Variants in A1CF observed in about 807,000 individuals in gnomAD.
The protein encoded by A1CF is APOBEC1 complementation factor, also known as APOBEC-1 stimulating protein.
A neutral mutation model predicts 68.9 loss-of-function variants in A1CF; 48 were observed. The ratio of observed to expected loss-of-function variants is 0.70; its 90% confidence interval spans 0.55 to 0.89. A1CF has a LOEUF of 0.89. A1CF is among the 40% of genes least tolerant of loss of function. The pLI, the probability that A1CF is intolerant of heterozygous loss-of-function variation, is 0.00. For missense variants in A1CF, 653 were observed against 718.9 expected, an observed-to-expected ratio of 0.91 and a Z score of 1.05; for synonymous variants, 272 against 260.4, an observed-to-expected ratio of 1.04 and a Z score of -0.43.
chr10:50,874,412 A>G (rs917497506), intron 1 of A1CF, among the ~76,000 whole-genome samples: 2 of 152,188 alleles, frequency 1.3e-5, no homozygotes, highest in Non-Finnish European at 2.9e-5. Context: ...ACATTTCTCC[A>G]TTTGTTAAAA....
chr10:50,816,100 G>A lies in A1CF; in HGVS notation c.1047C>T (p.Ala349=). The change falls in exon 9 of 13, where the codon GCC becomes GCT. Residue 349 remains alanine (A), a synonymous_variant. Coordinates refer to ENST00000373997, the MANE Select transcript of A1CF (RefSeq NM_014576.4). The part of the protein sequence containing the change: ...TTYLGAPVFY[A]PQTYAAIPSL... Reference sequence around the variant, plus strand: ...TGGGAATTGCTGCATAGGTCTGGGGGGCATAGAAGACAGGAGCTCCAAGGT... The same window carrying A: ...TGGGAATTGCTGCATAGGTCTGGGGAGCATAGAAGACAGGAGCTCCAAGGT... 4 of 1,613,754 alleles carry A rather than the reference G, an allele frequency of 2.5e-6. No individual in the cohort carries two copies. Among genetic ancestry groups the A allele is most frequent in the South Asian group, 1.1e-5 (1 of 91,066 alleles).
chr10:50,883,981 G>T (rs1450514269), intron 1 of A1CF, among the ~76,000 whole-genome samples: 1 of 152,198 alleles, frequency 6.6e-6, no homozygotes, highest in African/African-American at 2.4e-5. Context: ...TGCATGGAGA[G>T]AACTTAGAAG....
chr10:50,848,771 G>A (rs907330050), intron 3 of A1CF, among the ~76,000 whole-genome samples: 2 of 152,098 alleles, frequency 1.3e-5, no homozygotes, highest in Non-Finnish European at 2.9e-5. Flanking sequence ...AATTGACCAG[G>A]TTAGTATTTA....
rs1838096885 is a variant in A1CF, at chr10:50,811,196, T to C, written c.1324-20A>G. On this transcript the variant is annotated intron_variant, in intron 10 of 12. Transcript: ENST00000373997. ...TAATATCTACAAGAATAAAAAAAGT[T>C]ATTTCCCCCTCAAATGACACATTCA... The C allele has an allele frequency of 6.3e-7, 1 of 1,588,214 alleles. No homozygotes were observed. Among genetic ancestry groups the C allele is most frequent in the Non-Finnish European group, 8.6e-7 (1 of 1,166,554 alleles).
chr10:50,875,374 C>T (rs1204955185), intron 1 of A1CF, among the ~76,000 whole-genome samples: 1 of 152,108 alleles, frequency 6.6e-6, no homozygotes, highest in African/African-American at 2.4e-5. Flanking sequence ...ATTTATATGA[C>T]CACTGCATGC....
intron 3 of A1CF, among the ~76,000 whole-genome samples, chr10:50,857,045 T>G (rs1316394505): frequency 6.6e-6 from 1 of 152,128 alleles, no homozygotes; most frequent in Non-Finnish European, 1.5e-5. Context: ...TCAAAAAAAT[T>G]ATTTGAAAGG....
At chr10:50,871,709 G>GTAT (rs1482092061) in intron 1 of A1CF, among the ~76,000 whole-genome samples, 1 of 151,770 alleles carries the variant, frequency 6.6e-6, no homozygotes, top group Non-Finnish European at 1.5e-5. Context: ...ATTCATAGGG[G>GTAT]GATCATAAAC....
intron 4 of A1CF, among the ~76,000 whole-genome samples, chr10:50,842,917 A>AT (rs1839845217): frequency 6.6e-6 from 1 of 152,158 alleles, no homozygotes; most frequent in South Asian, 2.1e-4. Context: ...AGAACACTCT[A>AT]TTCCCCTGGC....
At chr10:50,823,356 G>A (rs1838765398) in intron 7 of A1CF, 1 of 152,134 alleles carries the variant, frequency 6.6e-6, no homozygotes, top group Non-Finnish European at 1.5e-5. Flanking sequence ...CATAGAATAT[G>A]AGTGATCATT....
intron 6 of A1CF, among the ~76,000 whole-genome samples, chr10:50,835,806 T>C (rs1380243497): frequency 6.8e-6 from 1 of 147,270 alleles, no homozygotes; most frequent in Non-Finnish European, 1.5e-5. Context: ...TTAAGAAGAC[T>C]CTTTATTCAT....
chr10:50,821,578 C>T, intron 7 of A1CF, among the ~76,000 whole-genome samples: 1 of 151,860 alleles, frequency 6.6e-6, no homozygotes, highest in East Asian at 1.9e-4. Flanking sequence ...TCTTGTTGCC[C>T]AGGCTAGAGT....
At chr10:50,858,298 C>T (rs536286880) in intron 3 of A1CF, among the ~76,000 whole-genome samples, 6 of 150,530 alleles carry the variant, frequency 4.0e-5, no homozygotes, top group African/African-American at 1.5e-4. Context: ...GAGACTTTAC[C>T]TGAATTTCAT....
intron 1 of A1CF, among the ~76,000 whole-genome samples, chr10:50,870,916 A>G (rs952642738): frequency 1.3e-5 from 2 of 151,780 alleles, no homozygotes; most frequent in Non-Finnish European, 3.0e-5. Flanking sequence ...CACTACAAAA[A>G]TATAAAGTTT....
Position 50,850,744 on chromosome 10 carries a change from C to T in A1CF, c.100-6622G>A, listed in dbSNP as rs748686824. On this transcript the variant is annotated intron_variant, in intron 3 of 12. Transcript: ENST00000373997. ...GAGGCCAGGAATTGCTGTGCTCATG[C>T]TCGCTTCTGGCTCTGGGCATGTGCC... 2.8e-5 allele frequency: 45 copies of T among 1,614,032 alleles called. 1 individual carries two copies. In the South Asian group the frequency reaches 4.4e-4, roughly 16 times the overall value.
At chr10:50,850,923 C>G in intron 3 of A1CF, 1 of 1,232,224 alleles carries the variant, frequency 8.1e-7, no homozygotes, top group Non-Finnish European at 1.1e-6. Flanking sequence ...TGTTTACTTA[C>G]AATTTGCCTT....
At chr10:50,843,959 G>A in intron 4 of A1CF, 29 bp downstream of exon 4, 1 of 1,611,814 alleles carries the variant, frequency 6.2e-7, no homozygotes, top group Non-Finnish European at 8.5e-7. Context: ...TGAACGATAA[G>A]AAAAATTAAA....
intron 1 of A1CF, among the ~76,000 whole-genome samples, chr10:50,877,814 T>C (rs1841579841): frequency 6.6e-6 from 1 of 152,202 alleles, no homozygotes; most frequent in South Asian, 2.1e-4. Context: ...ATAGGGAGTG[T>C]CTCTGTCTTA....
intron 6 of A1CF, among the ~76,000 whole-genome samples, chr10:50,831,463 T>A (rs1839236132): frequency 6.6e-6 from 1 of 152,082 alleles, no homozygotes; most frequent in African/African-American, 2.4e-5. Flanking sequence ...GCGTGGTGGC[T>A]CACACCTGTA....
intron 3 of A1CF, among the ~76,000 whole-genome samples, chr10:50,844,890 TAAA>T (rs1180615072): frequency 6.6e-6 from 1 of 152,198 alleles, no homozygotes; most frequent in Non-Finnish European, 1.5e-5. Context: ...AAAATTGAAG[TAAA>T]GCAGCTTGTA....
Sources: gnomAD v4.1 joint callset for allele counts (sites outside exome capture counted in the v4.1 genomes callset) on GRCh38, gnomAD v4.1.1 for gene constraint, MANE v1.5 for transcripts, NCBI Gene and HGNC (gene_info 2026-07-23, HGNC 2026-07-21) for gene names.